CERT1: variants seen among roughly 807,000 people sequenced by gnomAD.
CERT1 encodes ceramide transfer protein.
Under a neutral mutation model 87.9 loss-of-function variants are expected in CERT1, and 31 were observed. That is an observed-to-expected ratio of 0.35 (90% confidence interval 0.27 to 0.48). The LOEUF is 0.48. Ranked by LOEUF, CERT1 falls within the 20% of genes least tolerant of loss-of-function variation. The pLI, the probability that CERT1 is intolerant of heterozygous loss-of-function variation, is 0.99. For missense variants in CERT1, 487 were observed against 758.0 expected (o/e 0.64, Z 4.20); for synonymous variants, 289 against 250.9 (o/e 1.15, Z -1.44).
intron 17 of CERT1, chr5:75,371,817 G>C (rs950065382): frequency 3.9e-5 from 6 of 152,158 alleles, no homozygotes; most frequent in Non-Finnish European, 8.8e-5. Context: ...CTGTAGATGA[G>C]AAAACATGAA....
chr5:75,434,859 G>A (rs542138049), intron 3 of CERT1, among the ~76,000 whole-genome samples: 1 of 152,020 alleles, frequency 6.6e-6, no homozygotes, highest in East Asian at 1.9e-4. Flanking sequence ...TTCTAAGTGT[G>A]TTTATTTGGA....
intron 8 of CERT1, among the ~76,000 whole-genome samples, chr5:75,408,878 A>G (rs1233731427): frequency 6.6e-6 from 1 of 152,134 alleles, no homozygotes; most frequent in Non-Finnish European, 1.5e-5. Context: ...TAGTAAATGC[A>G]TGTACCTAGC....
At position 75,425,643 on chromosome 5, in the gene CERT1, A is replaced by G. The variant is rs1014701557; in HGVS notation, c.457-144T>C. On this transcript the variant is annotated intron_variant, in intron 4 of 16. Coordinates refer to ENST00000643780, the MANE Select transcript of CERT1 (RefSeq NM_001379029.1). Reference sequence around the variant, plus strand: ...GGAGAGCTGTCTAGTTCAATATAATACTTCTAGGAATAGGCTTGAAACTGA... The same window carrying G: ...GGAGAGCTGTCTAGTTCAATATAATGCTTCTAGGAATAGGCTTGAAACTGA... The G allele has an allele frequency of 1.2e-5, 8 of 667,226 alleles. No homozygotes were observed. In the East Asian group the frequency reaches 2.3e-4, roughly 19 times the overall value. 41.3% of individuals were successfully genotyped at this position (667,226 alleles called of 1,614,324 possible). A position where few individuals can be genotyped will look rare whatever the true frequency, so the allele number is the denominator to read the frequency against.
At chr5:75,373,836 G>A (rs146891953), downstream of CERT1, 731 of 351,398 alleles carry the variant, frequency 2.1e-3, 9 homozygotes, top group Admixed American at 0.018. Context: ...ATCTTAGGCC[G>A]GACCATAGTA....
downstream of CERT1, chr5:75,372,820 G>C (rs150015344): frequency 6.6e-6 from 1 of 152,304 alleles, no homozygotes; most frequent in Non-Finnish European, 1.5e-5. Context: ...CATGTAACAT[G>C]ATTTTCCGCT....
At chr5:75,500,462 C>G (rs191468881) in intron 2 of CERT1, among the ~76,000 whole-genome samples, 2 of 152,102 alleles carry the variant, frequency 1.3e-5, no homozygotes, top group African/African-American at 4.8e-5. Context: ...TTCTACTTCA[C>G]GCTATTTGAG....
intron 3 of CERT1, among the ~76,000 whole-genome samples, chr5:75,442,608 A>G (rs1445558016): frequency 2.0e-5 from 3 of 152,228 alleles, no homozygotes; most frequent in Non-Finnish European, 2.9e-5. Context: ...AAAATTTTTC[A>G]TAATGTCTTA....
At position 75,386,048 on chromosome 5, in the gene CERT1, A is replaced by T; in HGVS notation, c.1285-14T>A. 1 of 1,482,796 alleles carries T rather than the reference A, an allele frequency of 6.7e-7. No individual in the cohort carries two copies. Among genetic ancestry groups the T allele is most frequent in the South Asian group, 1.5e-5 (1 of 66,558 alleles). 91.9% of individuals were successfully genotyped at this position (1,482,796 alleles called of 1,614,324 possible). A position where few individuals can be genotyped will look rare whatever the true frequency, so the allele number is the denominator to read the frequency against. On this transcript the variant is annotated splice_polypyrimidine_tract_variant and intron_variant, in intron 12 of 16. Coordinates refer to ENST00000643780, the MANE Select transcript of CERT1 (RefSeq NM_001379029.1). ...TCTTCTGTATACCTAAAGAGAACAT[A>T]ATTCCAAAACTGTTTGAAAATTAAA...
chr5:75,500,932 G>A (rs6891560), intron 2 of CERT1, among the ~76,000 whole-genome samples: 19,277 of 150,924 alleles, frequency 0.13, 1,348 homozygotes, highest in East Asian at 0.23. Context: ...TATTTTTGTG[G>A]TTCTCTTCAA....
At chr5:75,383,748 A>C (rs1405192432) in intron 14 of CERT1, among the ~76,000 whole-genome samples, 1 of 152,182 alleles carries the variant, frequency 6.6e-6, no homozygotes, top group East Asian at 1.9e-4. Context: ...GAATTGGAAA[A>C]ACAAAGTACC....
At chr5:75,388,854 A>G (rs1761920363) in intron 12 of CERT1, among the ~76,000 whole-genome samples, 1 of 151,736 alleles carries the variant, frequency 6.6e-6, no homozygotes, top group Non-Finnish European at 1.5e-5. Flanking sequence ...TGAACTCCTG[A>G]GCTCAAGTAA....
intron 1 of CERT1, among the ~76,000 whole-genome samples, chr5:75,509,138 C>T (rs1467086916): frequency 6.6e-6 from 1 of 152,044 alleles, no homozygotes; most frequent in Non-Finnish European, 1.5e-5. Context: ...TATAAATTTA[C>T]CCAAGCCCAT....
At chr5:75,464,701 G>A (rs1765387875) in intron 2 of CERT1, among the ~76,000 whole-genome samples, 1 of 151,984 alleles carries the variant, frequency 6.6e-6, no homozygotes, top group African/African-American at 2.4e-5. Flanking sequence ...TCAGCCTCTG[G>A]AGTAGCTGAG....
intron 4 of CERT1, among the ~76,000 whole-genome samples, chr5:75,425,740 G>A (rs1317942199): frequency 2.0e-5 from 3 of 152,162 alleles, no homozygotes; most frequent in African/African-American, 4.8e-5. Context: ...TTATAAATAA[G>A]CCCTATTTTT....
intron 2 of CERT1, among the ~76,000 whole-genome samples, chr5:75,490,847 A>G (rs1484772719): frequency 6.6e-6 from 1 of 151,930 alleles, no homozygotes; most frequent in Non-Finnish European, 1.5e-5. Context: ...TTTTTTCTTC[A>G]TTTAAGATAA....
intron 8 of CERT1, among the ~76,000 whole-genome samples, chr5:75,407,463 G>GA (rs1762751402): frequency 7.7e-6 from 1 of 129,886 alleles, no homozygotes; most frequent in Non-Finnish European, 1.7e-5. Flanking sequence ...AGGTACGAAG[G>GA]AAAAAAATTA....
chr5:75,453,072 T>C (rs1425401294), intron 3 of CERT1, among the ~76,000 whole-genome samples: 2 of 152,208 alleles, frequency 1.3e-5, no homozygotes, highest in Non-Finnish European at 2.9e-5. Flanking sequence ...TTATGTGATT[T>C]CTAATACATT....
At chr5:75,460,801 C>T (rs1765192104) in intron 2 of CERT1, among the ~76,000 whole-genome samples, 1 of 152,182 alleles carries the variant, frequency 6.6e-6, no homozygotes, top group African/African-American at 2.4e-5. Context: ...ACTAACTCTA[C>T]CATTTTCTTT....
At chr5:75,492,044 T>A (rs910849782) in intron 2 of CERT1, among the ~76,000 whole-genome samples, 10 of 152,128 alleles carry the variant, frequency 6.6e-5, no homozygotes, top group African/African-American at 2.2e-4. Flanking sequence ...ATTTATATTT[T>A]AAAAAATCTG....
Sources: gnomAD v4.1 joint callset for allele counts (sites outside exome capture counted in the v4.1 genomes callset) on GRCh38, gnomAD v4.1.1 for gene constraint, MANE v1.5 for transcripts, NCBI Gene and HGNC (gene_info 2026-07-23, HGNC 2026-07-21) for gene names.